LRP1B: variants seen among roughly 807,000 people sequenced by gnomAD.
LRP1B encodes LDL receptor related protein 1B.
A neutral mutation model predicts 556.6 loss-of-function variants in LRP1B; 217 were observed. That is an observed-to-expected ratio of 0.39 (90% CI 0.35 to 0.44). The LOEUF (loss-of-function observed/expected upper bound fraction) is 0.44, where lower values mean the gene tolerates loss of function less well. Ranked by LOEUF, LRP1B falls within the 20% of genes least tolerant of loss-of-function variation. LRP1B has a pLI of 1.00. For missense variants in LRP1B, 5,053 were observed against 5,620.8 expected, an observed-to-expected ratio of 0.90 and a Z score of 3.23; for synonymous variants, 2,047 against 1,865.8, an observed-to-expected ratio of 1.10 and a Z score of -2.50.
At position 141,928,259 on chromosome 2, in the gene LRP1B, A is replaced by G. The variant is rs556113500; in HGVS notation, c.83-117858T>C. Among the ~76,000 whole-genome samples the G allele has an allele frequency of 1.4e-4, 21 of 152,312 alleles. 1 individual carries two copies. The South Asian group carries it at 4.1e-3, about 30-fold the overall frequency. ...ATGCATTTAGATTTAAGTTGAATAT[A>G]TTCTCCCTATCCTCAGAAATTACAT... is the stretch of plus-strand genomic sequence containing the variant. On this transcript the variant is annotated intron_variant, in intron 1 of 90. Transcript: ENST00000389484.
chr2:140,374,783 GATT>G (rs1367449122), intron 68 of LRP1B, among the ~76,000 whole-genome samples: 2 of 152,070 alleles, frequency 1.3e-5, no homozygotes, highest in African/African-American at 2.4e-5. Context: ...ACTGTCACAT[GATT>G]ATAATAACTA....
intron 1 of LRP1B, among the ~76,000 whole-genome samples, chr2:142,055,920 G>A (rs1002603610): frequency 1.3e-5 from 2 of 152,148 alleles, no homozygotes; most frequent in African/African-American, 4.8e-5. Flanking sequence ...GGAGGCGGAG[G>A]TGAGTGTATC....
chr2:141,398,704 CATA>C lies in LRP1B; in HGVS notation c.343+81689_343+81691del, dbSNP rs1690336840. Among the ~76,000 whole-genome samples the C allele has an allele frequency of 1.3e-5, 2 of 152,140 alleles. 1 individual carries two copies. Among genetic ancestry groups the C allele is most frequent in the South Asian group, 4.2e-4 (2 of 4,812 alleles). ...AAATACCATATGGTTTCTTAACTGC[CATA>C]ATGTTTTCCCGCTATTAGGCAGAAA... On this transcript the variant is annotated intron_variant, in intron 3 of 90. Transcript: ENST00000389484.
intron 3 of LRP1B, among the ~76,000 whole-genome samples, chr2:141,274,209 G>T (rs964079879): frequency 6.6e-6 from 1 of 152,024 alleles, no homozygotes; most frequent in African/African-American, 2.4e-5. Context: ...TCTACTCTTA[G>T]ATATATACTC....
intron 2 of LRP1B, among the ~76,000 whole-genome samples, chr2:141,772,435 A>G (rs1694929468): frequency 6.6e-6 from 1 of 152,156 alleles, no homozygotes. Context: ...GAGTATTCCC[A>G]AAGTGTGGCA....
chr2:141,756,544 T>TACAC (rs35271250), intron 2 of LRP1B, among the ~76,000 whole-genome samples: 4,472 of 143,366 alleles, frequency 0.031, 134 homozygotes, highest in Admixed American at 0.099. Flanking sequence ...TCTCTCAAAT[T>TACAC]ACACACACAC....
chr2:140,583,162 C>CTTTTTTTTTTTTTTTTTTTTTTTT lies in LRP1B; in HGVS notation c.7194+15468_7194+15469insAAAAAAAAAAAAAAAAAAAAAAAA, dbSNP rs1220644581. On this transcript the variant is annotated intron_variant, in intron 43 of 90. Transcript: ENST00000389484. ...TGAAAGTTTCTATTGACAGTTTCTC[C>CTTTTTTTTTTTTTTTTTTTTTTTT]TTTTTTTTCTTTTTTTTTTTTTTTT... 1.9e-5 allele frequency among the ~76,000 whole-genome samples: 2 copies of CTTTTTTTTTTTTTTTTTTTTTTTT among 107,818 alleles called. 1 individual carries two copies. Among genetic ancestry groups the CTTTTTTTTTTTTTTTTTTTTTTTT allele is most frequent in the Non-Finnish European group, 3.5e-5 (2 of 57,378 alleles). 70.7% of individuals were successfully genotyped at this position (107,818 alleles called of 152,430 possible).
At chr2:141,873,399 T>C (rs1206019482) in intron 1 of LRP1B, among the ~76,000 whole-genome samples, 1 of 151,988 alleles carries the variant, frequency 6.6e-6, no homozygotes, top group African/African-American at 2.4e-5. Flanking sequence ...ATTTTTTGCA[T>C]ATTGTAGAAA....
chr2:140,650,882 A>G (rs1684658752), intron 41 of LRP1B, among the ~76,000 whole-genome samples: 1 of 152,152 alleles, frequency 6.6e-6, no homozygotes, highest in Non-Finnish European at 1.5e-5. Flanking sequence ...AGACTAAAAA[A>G]CACAACAAGC....
At chr2:141,143,897 T>C (rs974366916) in intron 7 of LRP1B, among the ~76,000 whole-genome samples, 1 of 152,090 alleles carries the variant, frequency 6.6e-6, no homozygotes, top group African/African-American at 2.4e-5. Flanking sequence ...GGTTTGGGGT[T>C]ACACAGTTAG....
intron 3 of LRP1B, among the ~76,000 whole-genome samples, chr2:141,387,827 T>C (rs937300202): frequency 1.3e-5 from 2 of 152,088 alleles, no homozygotes; most frequent in Non-Finnish European, 2.9e-5. Context: ...ATGTATTTCC[T>C]AACACCAAAG....
At chr2:141,312,234 G>A (rs1033312) in intron 3 of LRP1B, among the ~76,000 whole-genome samples, 19,463 of 151,910 alleles carry the variant, frequency 0.13, 1,578 homozygotes, top group African/African-American at 0.21. Context: ...CGGTAAGGCC[G>A]ACCCCTCATT....
intron 2 of LRP1B, among the ~76,000 whole-genome samples, chr2:141,545,761 G>A (rs905210528): frequency 7.2e-5 from 11 of 152,104 alleles, no homozygotes; most frequent in Non-Finnish European, 1.5e-4. Flanking sequence ...AAGAATTTTA[G>A]AGAGATGTGG....
rs1559173851 is a variant in LRP1B at position 140,883,885 on chromosome 2, G to A, written c.4101C>T (p.Ser1367=). The A allele has an allele frequency of 6.2e-7, 1 of 1,613,560 alleles. No individual in the cohort carries two copies. Among genetic ancestry groups the A allele is most frequent in the African/African-American group, 1.3e-5 (1 of 74,788 alleles). Residue 1367 remains serine, a synonymous_variant, in exon 25 of 91, where the codon TCC becomes TCT. Coordinates refer to ENST00000389484, the MANE Select transcript of LRP1B (RefSeq NM_018557.3). ...DQIEVAKLDG[S]LRTTLIAGAM... ...CTCCTGCTATTAGTGTAGTTCTTAG[G>A]GAGCCATCTAGTTTGGCCACTTCGA...
chr2:141,612,325 G>A (rs879729845), intron 2 of LRP1B, among the ~76,000 whole-genome samples: 5 of 152,122 alleles, frequency 3.3e-5, no homozygotes, highest in Non-Finnish European at 7.4e-5. Flanking sequence ...GCTAAGCAGT[G>A]GCCTATATTT....
chr2:140,534,796 G>A (rs951462337), intron 46 of LRP1B, among the ~76,000 whole-genome samples: 1 of 152,110 alleles, frequency 6.6e-6, no homozygotes, highest in African/African-American at 2.4e-5. Context: ...TCTGTATTGA[G>A]TATATGTAGA....
At chr2:141,762,557 A>G (rs1558858927) in intron 2 of LRP1B, among the ~76,000 whole-genome samples, 1 of 152,004 alleles carries the variant, frequency 6.6e-6, no homozygotes, top group African/African-American at 2.4e-5. Flanking sequence ...GAAATTGTAT[A>G]TTTTTTTACT....
chr2:140,325,632 T>A (rs554036938), intron 80 of LRP1B, 130 bp downstream of exon 80: 1 of 595,860 alleles, frequency 1.7e-6, no homozygotes, highest in Non-Finnish European at 2.8e-6. Context: ...TAGTAAGCCT[T>A]ATAAGTTGAA....
chr2:140,325,719 T>G (rs1680437526), intron 80 of LRP1B, 43 bp downstream of exon 80: 15 of 1,296,566 alleles, frequency 1.2e-5, no homozygotes, highest in Non-Finnish European at 1.7e-5. Flanking sequence ...TATTTAACAC[T>G]CTCAGTAACA....
Sources: allele counts gnomAD v4.1 joint callset (sites outside exome capture counted in the v4.1 genomes callset), GRCh38; gene constraint gnomAD v4.1.1; transcripts MANE v1.5; gene names NCBI Gene and HGNC (gene_info 2026-07-23, HGNC 2026-07-21).